The following AMACR variants were observed in gnomAD, a reference collection of about 807,000 sequenced individuals.
AMACR encodes the protein 2-methylacyl-CoA racemase.
Under a neutral mutation model 22.2 loss-of-function variants are expected in AMACR, and 18 were observed. That is an observed-to-expected ratio of 0.81 (90% CI 0.56 to 1.20). The LOEUF (loss-of-function observed/expected upper bound fraction) is 1.20, where lower values mean the gene tolerates loss of function less well. AMACR is among the 50% of genes most tolerant of loss of function. AMACR has a pLI of 0.00. For synonymous variants in AMACR, 213 were observed against 191.3 expected (o/e 1.11, Z -0.94); for missense variants, 499 against 490.6 (o/e 1.02, Z -0.16).
At chr5:33,997,617 T>C in intron 4 of AMACR, 1 of 720,104 alleles carries the variant, frequency 1.4e-6, no homozygotes, top group Non-Finnish European at 2.5e-6. Context: ...CACCAGAGCA[T>C]CATGAGCAGC....
At chr5:33,998,172 A>G (rs1753700886) in intron 4 of AMACR, among the ~76,000 whole-genome samples, 2 of 152,286 alleles carry the variant, frequency 1.3e-5, no homozygotes, top group South Asian at 4.1e-4. Context: ...CTGCAAAGGC[A>G]TAGTGATATA....
Position 33,991,381 on chromosome 5 carries a change from G to A in AMACR, c.740-1879C>T, listed in dbSNP as rs187820406. Among the ~76,000 whole-genome samples, 389 of 152,184 alleles carry A rather than the reference G, an allele frequency of 2.6e-3. 2 individuals are homozygous for A. The highest frequency in any genetic ancestry group is 9.1e-3 in the African/African-American group (377 of 41,526). ...TCCTGACACTCCAATATGGAACTTGGAATCCAGTCCCAAGTCTCAGAATCC... is the reference window on the plus strand; with the variant it reads ...TCCTGACACTCCAATATGGAACTTGAAATCCAGTCCCAAGTCTCAGAATCC... On this transcript the variant is annotated intron_variant, in intron 4 of 4. Transcript: ENST00000335606.
chr5:33,996,316 T>A (rs1040039654), intron 4 of AMACR, among the ~76,000 whole-genome samples: 3 of 152,154 alleles, frequency 2.0e-5, no homozygotes, highest in African/African-American at 7.2e-5. Context: ...TTCCTGAGAA[T>A]TTTTTTTGCA....
chr5:33,994,760 T>TA (rs879260238), intron 4 of AMACR, among the ~76,000 whole-genome samples: 7 of 151,910 alleles, frequency 4.6e-5, no homozygotes, highest in Admixed American at 2.0e-4. Context: ...GAGGGGGCTG[T>TA]AAAAAAATCA....
intron 4 of AMACR, among the ~76,000 whole-genome samples, chr5:33,996,754 A>T (rs973180628): frequency 2.0e-5 from 3 of 152,088 alleles, no homozygotes; most frequent in Non-Finnish European, 4.4e-5. Context: ...CCTTGGCAAC[A>T]GAGTGAGACC....
rs1486580303 is a variant in AMACR at position 33,997,599 on chromosome 5, C to T, written c.739+1042G>A. Reference sequence around the variant, plus strand: ...GCAGGTGGCAGTGTTCATGGCTCCACAGAGCTCCACCAGAGCATCATGAGC... The same window carrying T: ...GCAGGTGGCAGTGTTCATGGCTCCATAGAGCTCCACCAGAGCATCATGAGC... On this transcript the variant is annotated intron_variant, in intron 4 of 4. Coordinates refer to ENST00000335606, the MANE Select transcript of AMACR (RefSeq NM_014324.6). The T allele has an allele frequency of 5.3e-6, 4 of 752,026 alleles. No individual in the cohort carries two copies. In the African/African-American group the frequency reaches 6.8e-5, roughly 13 times the overall value. 46.6% of individuals were successfully genotyped at this position (752,026 alleles called of 1,614,324 possible).
intron 4 of AMACR, among the ~76,000 whole-genome samples, chr5:33,991,291 C>A (rs1034927569): frequency 1.3e-5 from 2 of 152,160 alleles, no homozygotes; most frequent in Non-Finnish European, 2.9e-5. Flanking sequence ...TCCCATCCTG[C>A]CCATGACCCT....
At chr5:34,007,411 T>C (rs1023096108) in intron 1 of AMACR, among the ~76,000 whole-genome samples, 8 of 152,138 alleles carry the variant, frequency 5.3e-5, no homozygotes, top group Admixed American at 2.0e-4. Flanking sequence ...ATATGCAGTT[T>C]TCCAGGAAGG....
In AMACR at chr5:33,988,756, C is replaced by T. The variant is rs114145560; in HGVS notation, c.*337G>A. On this transcript the variant is annotated 3_prime_UTR_variant, in exon 5 of 5. Transcript: ENST00000335606. Reference sequence around the variant, plus strand: ...ATCAAGAGTGTAAATAAATGTATATCGATGTCTTCAAGAATATATCATTCC... The same window carrying T: ...ATCAAGAGTGTAAATAAATGTATATTGATGTCTTCAAGAATATATCATTCC... 6.0e-4 allele frequency: 722 copies of T among 1,203,880 alleles called. 4 individuals are homozygous for T. The African/African-American group carries it at 9.5e-3, about 16-fold the overall frequency. The allele number at this position is 1,203,880 out of a possible 1,614,324, so 74.6% of individuals were successfully genotyped here.
At chr5:34,000,379 C>T (rs1351160296) in intron 3 of AMACR, among the ~76,000 whole-genome samples, 2 of 152,168 alleles carry the variant, frequency 1.3e-5, no homozygotes, top group Non-Finnish European at 2.9e-5. Context: ...CATGTTCAGG[C>T]CAAAGAATGT....
In AMACR at chr5:33,988,273, GAC is replaced by G; in HGVS notation, c.*818_*819del. The G allele has an allele frequency of 6.6e-7, 1 of 1,507,724 alleles. No homozygotes were observed. The highest frequency in any genetic ancestry group is 8.9e-7 in the Non-Finnish European group (1 of 1,120,642). 93.4% of individuals were successfully genotyped at this position (1,507,724 alleles called of 1,614,324 possible). Reference sequence around the variant, plus strand: ...CTTGTAACTTAACTCAGTCCAAGGAGACACAAAACGACTTGCTGGGGGGTCCT... The same window carrying G: ...CTTGTAACTTAACTCAGTCCAAGGAGACAAAACGACTTGCTGGGGGGTCCT... On this transcript the variant is annotated 3_prime_UTR_variant, in exon 5 of 5. Transcript: ENST00000335606.
In AMACR at chr5:33,987,998, G is replaced by A. The variant is rs1288440520; in HGVS notation, c.*1095C>T. 1 of 209,764 alleles carries A rather than the reference G, an allele frequency of 4.8e-6. No individual in the cohort carries two copies. The highest frequency in any genetic ancestry group is 5.8e-5 in the Admixed American group (1 of 17,102). 13.0% of individuals were successfully genotyped at this position (209,764 alleles called of 1,614,324 possible). A position where few individuals can be genotyped will look rare whatever the true frequency, so the allele number is the denominator to read the frequency against. On this transcript the variant is annotated 3_prime_UTR_variant, in exon 5 of 5. Transcript: ENST00000335606. ...TCTGTTTTCTCAACTGTAAGATGAA[G>A]AAACCTGCTCCACCTTCCTCTTGCG...
chr5:34,007,623 C>A (rs1754023419), intron 1 of AMACR, 150 bp downstream of exon 1: 2 of 1,182,324 alleles, frequency 1.7e-6, no homozygotes, highest in African/African-American at 1.6e-5. Flanking sequence ...ACTAACAATA[C>A]CCTAGGAGGC....
chr5:34,000,049 C>T (rs1753768034), intron 3 of AMACR, among the ~76,000 whole-genome samples: 1 of 152,210 alleles, frequency 6.6e-6, no homozygotes, highest in Non-Finnish European at 1.5e-5. Flanking sequence ...AGAGCCTCAA[C>T]TCATTAACAT....
intron 4 of AMACR, among the ~76,000 whole-genome samples, chr5:33,990,370 A>AC (rs1211026939): frequency 1.3e-5 from 2 of 152,212 alleles, no homozygotes; most frequent in Admixed American, 1.3e-4. Flanking sequence ...CATCAAGACC[A>AC]CAGTGCAGAG....
rs751854089 is a variant in AMACR at position 33,989,463 on chromosome 5, C to T, written c.779G>A (p.Ser260Asn). 2.5e-6 allele frequency: 4 copies of T among 1,614,200 alleles called. No individual in the cohort carries two copies. The highest frequency in any genetic ancestry group is 3.4e-6 in the Non-Finnish European group (4 of 1,180,034). ...LKSDELPNQM[S>N]MDDWPEMKKK... is the part of the protein sequence containing the mutation. ...CTTCATTTCTGGCCAATCATCCATG[C>T]TCATCTGATTGGGAAGTTCATCAGA... is the stretch of plus-strand genomic sequence containing the variant. Residue 260 changes from serine (S) to asparagine (N), a missense_variant, in exon 5 of 5, where the codon AGC (serine) becomes AAC (asparagine). By Grantham distance (46) the Ser-to-Asn change is conservative (BLOSUM62 1). Transcript: ENST00000335606.
chr5:33,997,123 G>A, intron 4 of AMACR: 1 of 749,568 alleles, frequency 1.3e-6, no homozygotes, highest in African/African-American at 1.7e-5. Flanking sequence ...TTCAACGGCA[G>A]TTTCCTTTAA....
At chr5:34,000,415 G>A (rs1158982647) in intron 3 of AMACR, among the ~76,000 whole-genome samples, 1 of 152,238 alleles carries the variant, frequency 6.6e-6, no homozygotes, top group Non-Finnish European at 1.5e-5. Flanking sequence ...ACTGTAGTGA[G>A]TCGACCTAGA....
In AMACR at chr5:33,988,500, T is replaced by C; in HGVS notation, c.*593A>G. On this transcript the variant is annotated 3_prime_UTR_variant, in exon 5 of 5. Coordinates refer to ENST00000335606, the MANE Select transcript of AMACR (RefSeq NM_014324.6). ...ACTCTACGTAGTGAGCCAACACATT[T>C]CCTCATTATTTTGGATATGTTTTTT... 2 of 1,418,460 alleles carry C rather than the reference T, an allele frequency of 1.4e-6. No individual in the cohort carries two copies. The highest frequency in any genetic ancestry group is 1.8e-6 in the Non-Finnish European group (2 of 1,089,562). The allele number at this position is 1,418,460 out of a possible 1,614,324, so 87.9% of individuals were successfully genotyped here.
Sources: gnomAD v4.1 joint callset for allele counts (sites outside exome capture counted in the v4.1 genomes callset) on GRCh38, gnomAD v4.1.1 for gene constraint, MANE v1.5 for transcripts, NCBI Gene and HGNC (gene_info 2026-07-23, HGNC 2026-07-21) for gene names.